MARCHF1: variants seen among roughly 807,000 people sequenced by gnomAD.
The protein encoded by MARCHF1 is membrane associated ring-CH-type finger 1.
MARCHF1 carries 40 observed loss-of-function variants against 54.2 expected under a neutral mutation model. The ratio of observed to expected loss-of-function variants is 0.74; its 90% confidence interval spans 0.57 to 0.96. MARCHF1 has a LOEUF of 0.96. Ranked by LOEUF, MARCHF1 falls within the 40% of genes least tolerant of loss-of-function variation. The pLI, the probability that MARCHF1 is intolerant of heterozygous loss-of-function variation, is 0.00. For synonymous variants in MARCHF1, 236 were observed against 236.3 expected (o/e 1.00, Z 0.01); for missense variants, 586 against 656.5 (o/e 0.89, Z 1.17).
chr4:163,973,163 G>A (rs1473192733), intron 3 of MARCHF1, among the ~76,000 whole-genome samples: 1 of 152,220 alleles, frequency 6.6e-6, no homozygotes, highest in East Asian at 1.9e-4. Context: ...CAGAGGACAG[G>A]AGCATATATT....
chr4:163,841,842 T>C (rs192207795), intron 4 of MARCHF1, among the ~76,000 whole-genome samples: 1 of 152,284 alleles, frequency 6.6e-6, no homozygotes, highest in East Asian at 1.9e-4. Context: ...TGTTAAATTT[T>C]ATTCCTGTAG....
In MARCHF1 at chr4:163,526,914, CA is replaced by C. The variant is rs1738127490; in HGVS notation, c.*1833del. 6.6e-6 allele frequency: 1 copy of C among 151,760 alleles called. No individual in the cohort carries two copies. The highest frequency in any genetic ancestry group is 2.1e-4 in the South Asian group (1 of 4,818). 9.4% of individuals were successfully genotyped at this position (151,760 alleles called of 1,614,324 possible). On this transcript the variant is annotated 3_prime_UTR_variant, in exon 10 of 10. Coordinates refer to ENST00000514618, the MANE Select transcript of MARCHF1 (RefSeq NM_001394959.1). ...AAGACTATCTGGACTCAGTGTCAGCCACTACTAATATTTATACCATCTTTCT... is the reference window on the plus strand; with the variant it reads ...AAGACTATCTGGACTCAGTGTCAGCCCTACTAATATTTATACCATCTTTCT...
intron 9 of MARCHF1, 21 bp from the exon 10 acceptor site, chr4:163,529,067 A>AATGTT (rs1168521206): frequency 2.5e-6 from 4 of 1,573,682 alleles, no homozygotes. Context: ...AAAAAGAGAA[A>AATGTT]ATGTTATCAC....
intron 3 of MARCHF1, among the ~76,000 whole-genome samples, chr4:163,895,056 G>A (rs558472359): frequency 5.8e-4 from 88 of 150,922 alleles, no homozygotes; most frequent in South Asian, 1.9e-3. Flanking sequence ...ATATGCATGT[G>A]ATGCATAAAT....
intron 5 of MARCHF1, among the ~76,000 whole-genome samples, chr4:163,687,113 A>C (rs1318056665): frequency 6.6e-6 from 1 of 152,228 alleles, no homozygotes; most frequent in Non-Finnish European, 1.5e-5. Flanking sequence ...TCCTTTAAAA[A>C]TATTGGAAAT....
chr4:163,885,525 C>T (rs1452709076), intron 3 of MARCHF1, among the ~76,000 whole-genome samples: 7 of 152,018 alleles, frequency 4.6e-5, no homozygotes, highest in Non-Finnish European at 8.8e-5. Flanking sequence ...CAAATAATAA[C>T]AAAATTCTCA....
intron 5 of MARCHF1, among the ~76,000 whole-genome samples, chr4:163,623,767 T>C (rs1177808141): frequency 2.6e-5 from 4 of 152,224 alleles, no homozygotes; most frequent in Admixed American, 1.3e-4. Flanking sequence ...TAACTTTTTT[T>C]CTGCATTCTT....
At chr4:164,309,774 AG>A (rs1284328724) in intron 1 of MARCHF1, among the ~76,000 whole-genome samples, 1 of 152,216 alleles carries the variant, frequency 6.6e-6, no homozygotes, top group Non-Finnish European at 1.5e-5. Flanking sequence ...AAAAACATTA[AG>A]GGCAAAAGGA....
At chr4:163,604,615 T>A (rs898914493) in intron 7 of MARCHF1, among the ~76,000 whole-genome samples, 3 of 152,140 alleles carry the variant, frequency 2.0e-5, no homozygotes, top group African/African-American at 7.2e-5. Flanking sequence ...GACAGTGTCA[T>A]CCTTTTGCTT....
intron 4 of MARCHF1, among the ~76,000 whole-genome samples, chr4:163,758,665 T>C (rs987077872): frequency 5.9e-5 from 9 of 152,182 alleles, no homozygotes; most frequent in African/African-American, 2.2e-4. Flanking sequence ...AATACACATG[T>C]TGTAACTTTT....
intron 5 of MARCHF1, among the ~76,000 whole-genome samples, chr4:163,630,780 G>A (rs957627574): frequency 6.6e-6 from 1 of 151,586 alleles, no homozygotes; most frequent in Non-Finnish European, 1.5e-5. Flanking sequence ...AAAAGAAAAA[G>A]GGAAAGAAGA....
At chr4:164,383,646 C>G (rs1420462067) in intron 1 of MARCHF1, 1 of 152,366 alleles carries the variant, frequency 6.6e-6, no homozygotes, top group Non-Finnish European at 1.5e-5. Flanking sequence ...GAGGCGCCTA[C>G]TGGGCGAGCC....
chr4:164,094,621 T>C (rs1024942954), intron 2 of MARCHF1, among the ~76,000 whole-genome samples: 34 of 152,162 alleles, frequency 2.2e-4, no homozygotes, highest in African/African-American at 7.7e-4. Context: ...TCTAATATGA[T>C]TGTAATATAA....
At chr4:163,728,137 C>T (rs146850389) in intron 4 of MARCHF1, among the ~76,000 whole-genome samples, 321 of 152,268 alleles carry the variant, frequency 2.1e-3, no homozygotes, top group Middle Eastern at 0.01. Context: ...TGCCACCACA[C>T]GCAGTTAAGT....
intron 8 of MARCHF1, among the ~76,000 whole-genome samples, chr4:163,580,206 G>A (rs1289458573): frequency 1.3e-5 from 2 of 151,838 alleles, no homozygotes; most frequent in Admixed American, 1.3e-4. Context: ...AGCCTCCCAA[G>A]TAGCTGGGAT....
intron 3 of MARCHF1, among the ~76,000 whole-genome samples, chr4:163,916,150 C>T (rs77681212): frequency 0.013 from 1,923 of 152,136 alleles, 39 homozygotes; most frequent in African/African-American, 0.044. Flanking sequence ...CTGCGTCTCT[C>T]GAAAAATGTA....
Position 163,817,763 on chromosome 4 carries a change from A to C in MARCHF1, c.111+36258T>G, listed in dbSNP as rs1044254124. On this transcript the variant is annotated intron_variant, in intron 4 of 9. Transcript: ENST00000514618. Reference sequence around the variant, plus strand: ...TAAGAAAATGTGGCACATATACACCACGGAATACTATGCAGCCATAAAAAA... The same window carrying C: ...TAAGAAAATGTGGCACATATACACCCCGGAATACTATGCAGCCATAAAAAA... 5.9e-5 allele frequency among the ~76,000 whole-genome samples: 9 copies of C among 151,918 alleles called. No homozygotes were observed. In the South Asian group the frequency reaches 8.3e-4, roughly 14 times the overall value.
At chr4:163,870,128 T>C (rs770440395) in intron 3 of MARCHF1, among the ~76,000 whole-genome samples, 1 of 152,138 alleles carries the variant, frequency 6.6e-6, no homozygotes, top group African/African-American at 2.4e-5. Context: ...ATTTTCTGGC[T>C]AAACAGGATT....
intron 1 of MARCHF1, among the ~76,000 whole-genome samples, chr4:164,256,378 T>C (rs1305086583): frequency 6.8e-6 from 1 of 148,120 alleles, no homozygotes; most frequent in Non-Finnish European, 1.5e-5. Context: ...TAAATGTATT[T>C]GGGTGAAAAC....
Sources: allele counts gnomAD v4.1 joint callset (sites outside exome capture counted in the v4.1 genomes callset), GRCh38; gene constraint gnomAD v4.1.1; transcripts MANE v1.5; gene names NCBI Gene and HGNC (gene_info 2026-07-23, HGNC 2026-07-21).